SLC5A12: variants seen among roughly 807,000 people sequenced by gnomAD.
The protein encoded by SLC5A12 is sodium-coupled monocarboxylate transporter 2.
Under a neutral mutation model 72.7 loss-of-function variants are expected in SLC5A12, and 46 were observed. The ratio of observed to expected loss-of-function variants is 0.63; its 90% CI spans 0.50 to 0.81. SLC5A12 has a LOEUF of 0.81. Among genes scored for constraint, SLC5A12 ranks in the 30% least tolerant of loss-of-function variants. The pLI is 0.00. For missense variants in SLC5A12, 683 were observed against 740.7 expected (o/e 0.92, Z 0.90); for synonymous variants, 275 against 264.4 (o/e 1.04, Z -0.39).
rs978771956 is a variant in SLC5A12, at chr11:26,668,836, T to C, written c.*2266A>G. The C allele has an allele frequency of 2.0e-5, 3 of 152,002 alleles. No homozygotes were observed. The highest frequency in any genetic ancestry group is 7.2e-5 in the African/African-American group (3 of 41,418). The allele number at this position is 152,002 out of a possible 1,614,324, so 9.4% of individuals were successfully genotyped here. A position where few individuals can be genotyped will look rare whatever the true frequency, so the allele number is the denominator to read the frequency against. On this transcript the variant is annotated 3_prime_UTR_variant, in exon 15 of 15. Coordinates refer to ENST00000396005, the MANE Select transcript of SLC5A12 (RefSeq NM_178498.4). Reference sequence around the variant, plus strand: ...AATTGCATTTTCCAGTTGTATGACATTTTGATAACACTCCAGGTAAGATAA... The same window carrying C: ...AATTGCATTTTCCAGTTGTATGACACTTTGATAACACTCCAGGTAAGATAA...
chr11:26,690,703 A>G (rs947987454), intron 9 of SLC5A12, among the ~76,000 whole-genome samples: 2 of 150,200 alleles, frequency 1.3e-5, no homozygotes, highest in Admixed American at 6.6e-5. Context: ...TTGTAATCCC[A>G]GCTACTTAGG....
rs530517603 is a variant in SLC5A12 at position 26,718,704 on chromosome 11, G to A, written c.339+2672C>T. Among the ~76,000 whole-genome samples, 63 of 151,650 alleles carry A rather than the reference G, an allele frequency of 4.2e-4. No homozygotes were observed. The South Asian group carries it at 0.012, about 29-fold the overall frequency. ...GAGTTTCTCCATGTTGGCCAGGCTG[G>A]TCTCGAACTCCTGACCTCAGGTGAT... On this transcript the variant is annotated intron_variant, in intron 1 of 14. Transcript: ENST00000396005.
Position 26,692,674 on chromosome 11 carries a change from G to A in SLC5A12, c.1041-73C>T, listed in dbSNP as rs150494558. On this transcript the variant is annotated intron_variant, in intron 8 of 14. Transcript: ENST00000396005. ...AGCTACCAGCCTGCCCTCTTGTCCAGGGCAGATAGATAAGGCAGGCCTCTA... is the reference window on the plus strand; with the variant it reads ...AGCTACCAGCCTGCCCTCTTGTCCAAGGCAGATAGATAAGGCAGGCCTCTA... 950 of 1,005,480 alleles carry A rather than the reference G, an allele frequency of 9.4e-4. 5 individuals carry two copies. The African/African-American group carries it at 0.014, about 14-fold the overall frequency. 62.3% of individuals were successfully genotyped at this position (1,005,480 alleles called of 1,614,324 possible). A position where few individuals can be genotyped will look rare whatever the true frequency, so the allele number is the denominator to read the frequency against.
chr11:26,677,025 T>G (rs557391508), intron 13 of SLC5A12, among the ~76,000 whole-genome samples: 3 of 152,236 alleles, frequency 2.0e-5, no homozygotes, highest in Admixed American at 2.0e-4. Flanking sequence ...TAAGACTTTT[T>G]AAAAGATTCA....
intron 13 of SLC5A12, among the ~76,000 whole-genome samples, chr11:26,675,930 A>T (rs2133134106): frequency 6.6e-6 from 1 of 150,842 alleles, no homozygotes; most frequent in African/African-American, 2.4e-5. Flanking sequence ...GAATGGCATG[A>T]GTGTGTGTGT....
At chr11:26,673,374 A>G in intron 14 of SLC5A12, 28 bp downstream of exon 14, 2 of 1,516,622 alleles carry the variant, frequency 1.3e-6, no homozygotes, top group Non-Finnish European at 1.8e-6. Context: ...GTCCATACAC[A>G]TTTTTAGAAG....
At chr11:26,675,107 T>G (rs929640453) in intron 13 of SLC5A12, among the ~76,000 whole-genome samples, 8 of 152,228 alleles carry the variant, frequency 5.3e-5, no homozygotes, top group South Asian at 2.1e-4. Flanking sequence ...ATAATTTAAT[T>G]TGGGACAAAG....
chr11:26,686,027 A>T (rs1854524827), intron 10 of SLC5A12, among the ~76,000 whole-genome samples: 1 of 152,222 alleles, frequency 6.6e-6, no homozygotes, highest in African/African-American at 2.4e-5. Context: ...TGCATTAATT[A>T]TACTACCTTT....
chr11:26,721,395 C>G lies in SLC5A12; in HGVS notation c.320G>C (p.Gly107Ala). The change falls in exon 1 of 15, where the codon GGT becomes GCT. Residue 107 changes from glycine to alanine, a missense_variant. Coordinates refer to ENST00000396005, the MANE Select transcript of SLC5A12 (RefSeq NM_178498.4). ...ELFLPVFYRS[G>A]ITSTYEYLQL... ...TCTTACCTCATAAGTGCTGGTGATACCAGATCTGTAGAACACAGGGAGAAA... is the reference window on the plus strand; with the variant it reads ...TCTTACCTCATAAGTGCTGGTGATAGCAGATCTGTAGAACACAGGGAGAAA... 1 of 1,612,468 alleles carries G rather than the reference C, an allele frequency of 6.2e-7. No homozygotes were observed. The highest frequency in any genetic ancestry group is 8.5e-7 in the Non-Finnish European group (1 of 1,179,108).
rs748336212 is a variant in SLC5A12, at chr11:26,673,527, G to A, written c.1582C>T (p.Arg528Cys). Residue 528 changes from arginine (R) to cysteine (C), a missense_variant and splice_region_variant, in exon 14 of 15, where the codon CGC (arginine) becomes TGC (cysteine). Arg to Cys is a radical substitution (Grantham distance 180). Coordinates refer to ENST00000396005, the MANE Select transcript of SLC5A12 (RefSeq NM_178498.4). ...AGVIISLITG[R>C]QRGEDIQPLL... ...GGTTGAATATCCTCACCTCTTTGGCGACCTATTAACAAAAGAACAAATAGA... is the reference window on the plus strand; with the variant it reads ...GGTTGAATATCCTCACCTCTTTGGCAACCTATTAACAAAAGAACAAATAGA... The A allele has an allele frequency of 8.3e-5, 133 of 1,601,326 alleles. No individual in the cohort carries two copies. The highest frequency in any genetic ancestry group is 1.1e-4 in the Non-Finnish European group (127 of 1,174,528).
chr11:26,683,943 G>A (rs778830906), intron 10 of SLC5A12, 100 bp from the exon 11 acceptor site: 2 of 843,788 alleles, frequency 2.4e-6, no homozygotes, highest in African/African-American at 1.7e-5. Flanking sequence ...TTGGGTCCTA[G>A]TCCTGACTGT....
intron 1 of SLC5A12, among the ~76,000 whole-genome samples, chr11:26,720,682 G>A (rs1855459163): frequency 6.6e-6 from 1 of 152,048 alleles, no homozygotes; most frequent in Non-Finnish European, 1.5e-5. Context: ...TCTATATAGA[G>A]CATGCAAATT....
chr11:26,711,691 G>A (rs7952359), intron 2 of SLC5A12, among the ~76,000 whole-genome samples: 144,328 of 152,082 alleles, frequency 0.95, 68,783 homozygotes, highest in Non-Finnish European at 1. Context: ...TGATGCACGC[G>A]TCACAGTGAA....
intron 4 of SLC5A12, among the ~76,000 whole-genome samples, chr11:26,708,362 A>C (rs531434005): frequency 6.6e-6 from 1 of 152,136 alleles, no homozygotes; most frequent in Admixed American, 6.6e-5. Context: ...TCTGGAATAG[A>C]ATCATGGTAA....
intron 8 of SLC5A12, 65 bp from the exon 9 acceptor site, chr11:26,692,666 C>G: frequency 9.0e-7 from 1 of 1,109,822 alleles, no homozygotes; most frequent in Non-Finnish European, 1.4e-6. Context: ...AGCCTGCCCT[C>G]TTGTCCAGGG....
intron 1 of SLC5A12, among the ~76,000 whole-genome samples, chr11:26,713,982 T>C (rs1407361342): frequency 6.6e-6 from 1 of 152,100 alleles, no homozygotes; most frequent in African/African-American, 2.4e-5. Context: ...AATTTCCCAC[T>C]ACCTCCCTCA....
intron 9 of SLC5A12, among the ~76,000 whole-genome samples, chr11:26,691,188 T>A (rs963574291): frequency 6.6e-6 from 1 of 151,836 alleles, no homozygotes; most frequent in Non-Finnish European, 1.5e-5. Context: ...CTGAAAAAAA[T>A]GCTGTATATA....
At chr11:26,689,567 G>A (rs901821795) in intron 9 of SLC5A12, among the ~76,000 whole-genome samples, 2 of 152,070 alleles carry the variant, frequency 1.3e-5, no homozygotes, top group Non-Finnish European at 2.9e-5. Context: ...CACGGTGAAG[G>A]TCACATATCC....
chr11:26,707,627 T>C (rs1855121381), intron 4 of SLC5A12, among the ~76,000 whole-genome samples: 1 of 152,062 alleles, frequency 6.6e-6, no homozygotes, highest in South Asian at 2.1e-4. Flanking sequence ...CAGTCATTCC[T>C]GATGCTTACT....
Sources: gnomAD v4.1 joint callset for allele counts (sites outside exome capture counted in the v4.1 genomes callset) on GRCh38, gnomAD v4.1.1 for gene constraint, MANE v1.5 for transcripts, NCBI Gene and HGNC (gene_info 2026-07-23, HGNC 2026-07-21) for gene names.